The following LRPAP1 variants were observed in gnomAD, a reference collection of about 807,000 sequenced individuals.
LRPAP1 encodes alpha-2-macroglobulin receptor-associated protein.
LRPAP1 carries 41 observed loss-of-function variants against 39.9 expected under a neutral mutation model. The observed-to-expected ratio is 1.03, with a 90% confidence interval of 0.80 to 1.33. The LOEUF (loss-of-function observed/expected upper bound fraction) is 1.33, where lower values mean the gene tolerates loss of function less well. LRPAP1 is among the 40% of genes most tolerant of loss of function. The probability of loss-of-function intolerance (pLI) is 0.00; values close to 1 mark genes in which losing one functional copy is unlikely to be tolerated. For missense variants in LRPAP1, 565 were observed against 482.3 expected (o/e 1.17, Z -1.61); for synonymous variants, 263 against 212.7 (o/e 1.24, Z -2.06).
At chr4:3,525,094 G>A (rs1730041220) in intron 1 of LRPAP1, 43 bp from the exon 2 acceptor site, 1 of 1,610,412 alleles carries the variant, frequency 6.2e-7, no homozygotes, top group African/African-American at 1.3e-5. Flanking sequence ...GAGCAGGACG[G>A]ACCAGGACAC....
At position 3,516,270 on chromosome 4, in the gene LRPAP1, C is replaced by T. The variant is rs563878307; in HGVS notation, c.752-72G>A. ...ACCACAGCCAGCCCCGCGGCAACCA[C>T]GCTGAGTGTGCGTGGAGCCTATGAG... On this transcript the variant is annotated intron_variant, in intron 5 of 7. Coordinates refer to ENST00000650182, the MANE Select transcript of LRPAP1 (RefSeq NM_002337.4). The T allele has an allele frequency of 3.2e-4, 382 of 1,205,968 alleles. 1 individual carries two copies. The Admixed American group carries it at 5.7e-3, about 18-fold the overall frequency. 74.7% of individuals were successfully genotyped at this position (1,205,968 alleles called of 1,614,324 possible).
rs765216292 is a variant in LRPAP1 at position 3,524,983 on chromosome 4, G to A, written c.273C>T (p.Leu91=). 21 of 1,614,124 alleles carry A rather than the reference G, an allele frequency of 1.3e-5. No homozygotes were observed. In the East Asian group the frequency reaches 3.3e-4, roughly 26 times the overall value. ...CGTCAAGCTTTAGTTTCTTCCAGGCGAGTTCGTCCCTCTCCTGTATCTTCA... is the reference window on the plus strand; with the variant it reads ...CGTCAAGCTTTAGTTTCTTCCAGGCAAGTTCGTCCCTCTCCTGTATCTTCA... The part of the protein sequence containing the change: ...ADLKIQERDE[L]AWKKLKLDGL... Residue 91 remains leucine (L), a synonymous_variant, in exon 2 of 8, where the codon CTC becomes CTT. Transcript: ENST00000650182.
chr4:3,515,403 G>A (rs887885681), intron 6 of LRPAP1, among the ~76,000 whole-genome samples: 1 of 152,188 alleles, frequency 6.6e-6, no homozygotes, highest in Non-Finnish European at 1.5e-5. Flanking sequence ...GCACGTGCCT[G>A]CGGCCAGCTA....
In LRPAP1 at chr4:3,504,025, C is replaced by A. The variant is rs567934787; in HGVS notation, c.*8949G>T. On this transcript the variant is annotated 3_prime_UTR_variant, in exon 8 of 8. Transcript: ENST00000650182. Reference sequence around the variant, plus strand: ...CCAGCAGGGTGGGGCAGACACCAGGCTCCAGCCCAGCCTCAGGTGAGAGTG... The same window carrying A: ...CCAGCAGGGTGGGGCAGACACCAGGATCCAGCCCAGCCTCAGGTGAGAGTG... The A allele has an allele frequency of 2.0e-5, 3 of 152,464 alleles. No homozygotes were observed. Among genetic ancestry groups the A allele is most frequent in the Admixed American group, 2.0e-4 (3 of 15,290 alleles). The allele number at this position is 152,464 out of a possible 1,614,324, so 9.4% of individuals were successfully genotyped here. A position where few individuals can be genotyped will look rare whatever the true frequency, so the allele number is the denominator to read the frequency against.
Position 3,514,768 on chromosome 4 carries a change from T to C in LRPAP1, c.995A>G (p.Lys332Arg). 1 of 1,609,930 alleles carries C rather than the reference T, an allele frequency of 6.2e-7. No individual in the cohort carries two copies. The highest frequency in any genetic ancestry group is 8.5e-7 in the Non-Finnish European group (1 of 1,179,082). Residue 332 changes from lysine to arginine, a missense_variant, in exon 7 of 8, where the codon AAG becomes AGG. Physicochemically the swap from Lys to Arg is conservative, Grantham distance 26. Coordinates refer to ENST00000650182, the MANE Select transcript of LRPAP1 (RefSeq NM_002337.4). ...CGTGCGCACCGTGTAGCCCAGCTCC[T>C]TGGTCCGCCCCTCCAGCAGGGCGTG... Reference protein sequence around the residue: ...EKHALLEGRTKELGYTVKKHL... With the variant: ...EKHALLEGRTRELGYTVKKHL...
At chr4:3,520,948 G>A (rs985264395) in intron 2 of LRPAP1, among the ~76,000 whole-genome samples, 3 of 152,206 alleles carry the variant, frequency 2.0e-5, no homozygotes, top group African/African-American at 4.8e-5. Context: ...GAAAGCAGGC[G>A]CTCGACGCGG....
In LRPAP1 at chr4:3,518,938, C is replaced by T. The variant is rs748934340; in HGVS notation, c.525G>A (p.Glu175=). ...SGEELDKLWR[E]FLHHKEKVHE... is the part of the protein sequence containing the mutation. ...GAACTTTCTCTTTGTGATGCAGGAACTCCCGCCAGAGCTTGTCCAGTTCTT... is the reference window on the plus strand; with the variant it reads ...GAACTTTCTCTTTGTGATGCAGGAATTCCCGCCAGAGCTTGTCCAGTTCTT... The change falls in exon 4 of 8, where the codon GAG becomes GAA. Residue 175 remains glutamate, a synonymous_variant. Coordinates refer to ENST00000650182, the MANE Select transcript of LRPAP1 (RefSeq NM_002337.4). The T allele has an allele frequency of 6.2e-7, 1 of 1,614,090 alleles. No homozygotes were observed. Among genetic ancestry groups the T allele is most frequent in the South Asian group, 1.1e-5 (1 of 91,078 alleles).
Position 3,519,735 on chromosome 4 carries a change from A to G in LRPAP1, c.471+337T>C, listed in dbSNP as rs114998804. On this transcript the variant is annotated intron_variant, in intron 3 of 7. Coordinates refer to ENST00000650182, the MANE Select transcript of LRPAP1 (RefSeq NM_002337.4). Reference sequence around the variant, plus strand: ...ATCACAGAGGCACGTCCACGGCACCACTCACTACATTAAAAATCCGACACG... The same window carrying G: ...ATCACAGAGGCACGTCCACGGCACCGCTCACTACATTAAAAATCCGACACG... Among the ~76,000 whole-genome samples the G allele has an allele frequency of 6.3e-3, 960 of 152,280 alleles. 3 individuals are homozygous for G. The highest frequency in any genetic ancestry group is 0.012 in the Admixed American group (190 of 15,300).
intron 2 of LRPAP1, among the ~76,000 whole-genome samples, chr4:3,523,758 G>T (rs971499347): frequency 6.6e-6 from 1 of 152,218 alleles, no homozygotes; most frequent in Non-Finnish European, 1.5e-5. Flanking sequence ...CCATCAGCGC[G>T]TGTGAAAAGC....
At chr4:3,513,763 G>A (rs1560252557) in intron 7 of LRPAP1, among the ~76,000 whole-genome samples, 1 of 152,218 alleles carries the variant, frequency 6.6e-6, no homozygotes, top group Non-Finnish European at 1.5e-5. Context: ...CACCCCAGTG[G>A]CAGCAGGTGC....
chr4:3,529,371 A>G (rs764372365), intron 1 of LRPAP1, among the ~76,000 whole-genome samples: 7 of 152,166 alleles, frequency 4.6e-5, no homozygotes, highest in Non-Finnish European at 1.0e-4. Context: ...ACCTATGGCC[A>G]AGGACTCCGA....
chr4:3,513,276 G>A (rs780038784), intron 7 of LRPAP1, among the ~76,000 whole-genome samples: 1 of 152,204 alleles, frequency 6.6e-6, no homozygotes, highest in Non-Finnish European at 1.5e-5. Context: ...ATGCTGAAGT[G>A]GAAAGCTCAG....
chr4:3,519,028 G>C (rs751981836), intron 3 of LRPAP1, 37 bp from the exon 4 acceptor site: 9 of 1,604,532 alleles, frequency 5.6e-6, no homozygotes, highest in South Asian at 1.1e-5. Flanking sequence ...AACCCGCCGC[G>C]GGCTCGTGTG....
At chr4:3,513,277 G>A (rs1329925016) in intron 7 of LRPAP1, among the ~76,000 whole-genome samples, 1 of 152,192 alleles carries the variant, frequency 6.6e-6, no homozygotes, top group Non-Finnish European at 1.5e-5. Flanking sequence ...TGCTGAAGTG[G>A]AAAGCTCAGG....
chr4:3,523,979 G>T (rs543637173), intron 2 of LRPAP1, among the ~76,000 whole-genome samples: 2 of 152,226 alleles, frequency 1.3e-5, no homozygotes, highest in Admixed American at 1.3e-4. Flanking sequence ...GCGGGGGAGG[G>T]GATTGGGGAA....
At chr4:3,526,332 C>T (rs1730078062) in intron 1 of LRPAP1, among the ~76,000 whole-genome samples, 2 of 152,214 alleles carry the variant, frequency 1.3e-5, no homozygotes, top group African/African-American at 2.4e-5. Flanking sequence ...TCCAGGTGCC[C>T]ATCACCTAAC....
rs1553852450 is a variant in LRPAP1 at position 3,504,731 on chromosome 4, T to TGAG, written c.*8242_*8243insCTC. Among the ~76,000 whole-genome samples, 1 of 137,730 alleles carries TGAG rather than the reference T, an allele frequency of 7.3e-6. No homozygotes were observed. Among genetic ancestry groups the TGAG allele is most frequent in the African/African-American group, 2.8e-5 (1 of 36,128 alleles). 90.4% of individuals were successfully genotyped at this position (137,730 alleles called of 152,430 possible). On this transcript the variant is annotated 3_prime_UTR_variant, in exon 8 of 8. Transcript: ENST00000650182. ...CGCCATTGCACTGCAGCCTGAGCAA[T>TGAG]TGAGATTCCATCTCAAAAAAAAAAA... is the stretch of plus-strand genomic sequence containing the variant.
At chr4:3,519,090 C>T in intron 3 of LRPAP1, 99 bp from the exon 4 acceptor site, 2 of 1,533,014 alleles carry the variant, frequency 1.3e-6, no homozygotes, top group African/African-American at 2.8e-5. Context: ...AGGCCCTTGC[C>T]TACGTGAGTG....
chr4:3,514,682 C>G (rs766568729), intron 7 of LRPAP1, 70 bp downstream of exon 7: 32 of 1,519,592 alleles, frequency 2.1e-5, no homozygotes, highest in Non-Finnish European at 2.7e-5. Context: ...AAGCCCTGAG[C>G]TGCATGTGGG....
Sources: allele counts gnomAD v4.1 joint callset (sites outside exome capture counted in the v4.1 genomes callset), GRCh38; gene constraint gnomAD v4.1.1; transcripts MANE v1.5; gene names NCBI Gene and HGNC (gene_info 2026-07-23, HGNC 2026-07-21).